Variants in LOC128092253 observed in about 807,000 individuals in gnomAD.
At chr6:133,955,608 C>G in the LOC128092253 span, among the ~76,000 whole-genome samples, 1 of 152,100 alleles carries the variant, frequency 6.6e-6, no homozygotes, top group East Asian at 1.9e-4. Flanking sequence ...TTAAGAGCCT[C>G]TGCTGAAACT....
the LOC128092253 span, among the ~76,000 whole-genome samples, chr6:133,961,555 G>A: frequency 2.9e-5 from 4 of 137,320 alleles, no homozygotes; most frequent in Admixed American, 8.2e-5. Flanking sequence ...TGCAACCTCC[G>A]CCTCCCGAGT....
At chr6:133,964,115 T>G in the LOC128092253 span, among the ~76,000 whole-genome samples, 2 of 152,164 alleles carry the variant, frequency 1.3e-5, no homozygotes, top group Non-Finnish European at 2.9e-5. Context: ...ACCCATTCTT[T>G]TACTTGTATA....
chr6:133,967,999 G>A, the LOC128092253 span, among the ~76,000 whole-genome samples: 81 of 151,864 alleles, frequency 5.3e-4, no homozygotes, highest in African/African-American at 1.9e-3. Context: ...TAGGATTATG[G>A]GTGACTATTT....
the LOC128092253 span, among the ~76,000 whole-genome samples, chr6:133,953,861 T>G: frequency 1.3e-5 from 2 of 152,094 alleles, no homozygotes; most frequent in Non-Finnish European, 2.9e-5. Flanking sequence ...CTCAGAAAAC[T>G]TACAGCGGCT....
At chr6:133,971,081 G>A in the LOC128092253 span, among the ~76,000 whole-genome samples, 15 of 151,292 alleles carry the variant, frequency 9.9e-5, 1 homozygote, top group African/African-American at 3.6e-4. Context: ...ACCAACCTCC[G>A]TTCATTCTCA....
At chr6:133,954,427 G>A in the LOC128092253 span, among the ~76,000 whole-genome samples, 1 of 152,216 alleles carries the variant, frequency 6.6e-6, no homozygotes, top group Non-Finnish European at 1.5e-5. Context: ...TTGAGAAAAT[G>A]GCAGTTCCTT....
At chr6:133,973,780 T>A in the LOC128092253 span, among the ~76,000 whole-genome samples, 1 of 152,098 alleles carries the variant, frequency 6.6e-6, no homozygotes, top group Non-Finnish European at 1.5e-5. Flanking sequence ...AGTTTTGAAG[T>A]TTGCTTTTTT....
chr6:133,969,389 A>C, the LOC128092253 span, among the ~76,000 whole-genome samples: 3 of 151,574 alleles, frequency 2.0e-5, no homozygotes, highest in East Asian at 1.9e-4. Context: ...ATACAAAATT[A>C]TTCACATGAA....
chr6:133,977,108 G>A, the LOC128092253 span, among the ~76,000 whole-genome samples: 1,262 of 152,142 alleles, frequency 8.3e-3, 36 homozygotes, highest in Admixed American at 0.061. Context: ...CTGTGCTCTC[G>A]TTCTACAAGA....
the LOC128092253 span, among the ~76,000 whole-genome samples, chr6:133,974,789 T>C: frequency 2.6e-5 from 4 of 152,266 alleles, no homozygotes; most frequent in Non-Finnish European, 5.9e-5. Context: ...CGTTTGATAT[T>C]TGCCAATATA....
At chr6:133,976,081 T>G in the LOC128092253 span, among the ~76,000 whole-genome samples, 1 of 152,204 alleles carries the variant, frequency 6.6e-6, no homozygotes. Context: ...TATAATGAAA[T>G]GTACTGTATA....
chr6:133,977,916 G>A, the LOC128092253 span, among the ~76,000 whole-genome samples: 5 of 152,328 alleles, frequency 3.3e-5, no homozygotes, highest in East Asian at 5.8e-4. Flanking sequence ...AGGCAAAGGA[G>A]CCCTTGCTGG....
chr6:133,962,600 T>A, the LOC128092253 span, among the ~76,000 whole-genome samples: 1 of 152,230 alleles, frequency 6.6e-6, no homozygotes, highest in East Asian at 1.9e-4. Flanking sequence ...TTAATAGATA[T>A]GCCTAATAGA....
At chr6:133,970,028 C>G in the LOC128092253 span, among the ~76,000 whole-genome samples, 1 of 152,172 alleles carries the variant, frequency 6.6e-6, no homozygotes, top group Non-Finnish European at 1.5e-5. Flanking sequence ...TGTGCCACTC[C>G]TAACTGTTGG....
chr6:133,967,642 G>C, the LOC128092253 span, among the ~76,000 whole-genome samples: 1 of 152,150 alleles, frequency 6.6e-6, no homozygotes, highest in African/African-American at 2.4e-5. Flanking sequence ...ACTGAGTACT[G>C]TAGGCAGTTG....
At chr6:133,960,986 G>C in the LOC128092253 span, among the ~76,000 whole-genome samples, 1 of 152,194 alleles carries the variant, frequency 6.6e-6, no homozygotes, top group African/African-American at 2.4e-5. Flanking sequence ...GAACACAGTT[G>C]CTCTTCAGGA....
At chr6:133,959,513 A>C in the LOC128092253 span, among the ~76,000 whole-genome samples, 1 of 151,698 alleles carries the variant, frequency 6.6e-6, no homozygotes, top group African/African-American at 2.4e-5. Flanking sequence ...ATGGAGTCTC[A>C]CTCTGTCGCC....
chr6:133,970,193 A>T, the LOC128092253 span, among the ~76,000 whole-genome samples: 1 of 152,174 alleles, frequency 6.6e-6, no homozygotes, highest in Non-Finnish European at 1.5e-5. Context: ...TTCAGTTGAG[A>T]ACAACTACTC....
At chr6:133,954,853 C>G in the LOC128092253 span, among the ~76,000 whole-genome samples, 3,811 of 152,100 alleles carry the variant, frequency 0.025, 77 homozygotes, top group African/African-American at 0.052. Flanking sequence ...TACTATGTGC[C>G]CTTGATTGGG....
Sources: gnomAD v4.1 joint callset for allele counts (sites outside exome capture counted in the v4.1 genomes callset) on GRCh38, gnomAD v4.1.1 for gene constraint, MANE v1.5 for transcripts.